The following PLEKHA4 variants were observed in gnomAD, a reference collection of about 807,000 sequenced individuals.
PLEKHA4 encodes pleckstrin homology domain-containing family A member 4.
A neutral mutation model predicts 94.7 loss-of-function variants in PLEKHA4; 73 were observed. The ratio of observed to expected loss-of-function variants is 0.77; its 90% CI spans 0.64 to 0.94. PLEKHA4 has a LOEUF of 0.94. PLEKHA4 is among the 40% of genes least tolerant of loss of function. PLEKHA4 has a pLI of 0.00. For synonymous variants in PLEKHA4, 449 were observed against 437.1 expected, an observed-to-expected ratio of 1.03 and a Z score of -0.34; for missense variants, 1,049 against 1,054.1, an observed-to-expected ratio of 1.00 and a Z score of 0.07.
chr19:48,859,904 G>A (rs2036571653), intron 6 of PLEKHA4: 5 of 602,162 alleles, frequency 8.3e-6, no homozygotes, highest in African/African-American at 3.7e-5. Context: ...CCAATGCCCC[G>A]GAATATGGGA....
In PLEKHA4 at chr19:48,853,669, C is replaced by A. The variant is rs567049297; in HGVS notation, c.1326+13G>T. The A allele has an allele frequency of 2.0e-6, 3 of 1,535,086 alleles. No homozygotes were observed. The African/African-American group carries it at 4.1e-5, about 21-fold the overall frequency. The stretch of plus-strand genomic sequence containing the variant: ...GGCCTCCTAGGAGGGCAGGCCCCTT[C>A]CCAGGTGCTCACCTGAGTCAAGTGA... On this transcript the variant is annotated intron_variant, in intron 12 of 19. Transcript: ENST00000263265.
chr19:48,838,460 T>TAAAAAAAAAAAA (rs34936332), intron 18 of PLEKHA4: 2 of 123,052 alleles, frequency 1.6e-5, no homozygotes, highest in African/African-American at 5.9e-5. Context: ...AATTAAAAAT[T>TAAAAAAAAAAAA]AAAAAAAAAA....
At chr19:48,848,689 C>T (rs200150093) in intron 13 of PLEKHA4, among the ~76,000 whole-genome samples, 2 of 138,892 alleles carry the variant, frequency 1.4e-5, no homozygotes, top group Non-Finnish European at 3.1e-5. Context: ...CCCAGCCACT[C>T]GGGAGGCTGA....
At chr19:48,846,782 A>G (rs2035986830) in intron 14 of PLEKHA4, among the ~76,000 whole-genome samples, 1 of 152,046 alleles carries the variant, frequency 6.6e-6, no homozygotes, top group East Asian at 1.9e-4. Flanking sequence ...AAAACAAAAA[A>G]ACTGTAAACC....
rs1382701413 is a variant in PLEKHA4, at chr19:48,867,704, C to T, written c.-6-78G>A. On this transcript the variant is annotated intron_variant, in intron 1 of 19. Transcript: ENST00000263265. The surrounding 1 kb of genome is among the most constrained non-coding windows in gnomAD (Gnocchi z 4.7). The stretch of plus-strand genomic sequence containing the variant: ...GAGATGGGGTCAGGGGCTTGGAGGT[C>T]GGAGGAGGCTGCAGAGAAAGAGCCT... The T allele has an allele frequency of 2.2e-5, 30 of 1,340,396 alleles. No homozygotes were observed. Among genetic ancestry groups the T allele is most frequent in the Non-Finnish European group, 2.6e-5 (25 of 968,034 alleles). 83.0% of individuals were successfully genotyped at this position (1,340,396 alleles called of 1,614,324 possible). A position where few individuals can be genotyped will look rare whatever the true frequency, so the allele number is the denominator to read the frequency against.
intron 4 of PLEKHA4, 32 bp downstream of exon 4, chr19:48,861,588 T>A (rs752579593): frequency 6.2e-7 from 1 of 1,611,414 alleles, no homozygotes; most frequent in African/African-American, 1.3e-5. Flanking sequence ...GGGGGGGCCC[T>A]CCCACCCCAA....
intron 14 of PLEKHA4, among the ~76,000 whole-genome samples, chr19:48,846,477 C>T (rs916908079): frequency 4.6e-5 from 7 of 151,200 alleles, no homozygotes; most frequent in South Asian, 2.1e-4. Context: ...ACAAAACAAA[C>T]GTTTTAGGCT....
Position 48,856,908 on chromosome 19 carries a change from AAAAAAAAAG to A in PLEKHA4, c.1047+505_1047+513del, listed in dbSNP as rs1356306980. On this transcript the variant is annotated intron_variant, in intron 9 of 19. Coordinates refer to ENST00000263265, the MANE Select transcript of PLEKHA4 (RefSeq NM_020904.3). Reference sequence around the variant, plus strand: ...AGAGAGACCCCGTCTCAAAAAAAAAAAAAAAAAAGAAAGAAAGAAAGAAAAGAAAAGAAA... The same window carrying A: ...AGAGAGACCCCGTCTCAAAAAAAAAAAAAGAAAGAAAGAAAAGAAAAGAAA... Among the ~76,000 whole-genome samples, 21 of 131,780 alleles carry A rather than the reference AAAAAAAAAG, an allele frequency of 1.6e-4. 1 individual carries two copies. The highest frequency in any genetic ancestry group is 7.0e-4 in the African/African-American group (20 of 28,744). The allele number at this position is 131,780 out of a possible 152,430, so 86.5% of individuals were successfully genotyped here.
In PLEKHA4 at chr19:48,840,115, GA is replaced by G. The variant is rs1396336128; in HGVS notation, c.1906-853del. On this transcript the variant is annotated intron_variant, in intron 17 of 19. Transcript: ENST00000263265. The stretch of plus-strand genomic sequence containing the variant: ...AAAGGGAGACTCTGTCTCAAAAAAA[GA>G]AAAAAAAAATCTAAGGGGAGGTTAG... Among the ~76,000 whole-genome samples the G allele has an allele frequency of 7.5e-5, 11 of 147,602 alleles. No homozygotes were observed. The East Asian group carries it at 1.6e-3, about 21-fold the overall frequency.
chr19:48,843,106 G>A (rs1044785580), intron 16 of PLEKHA4, among the ~76,000 whole-genome samples: 9 of 152,074 alleles, frequency 5.9e-5, no homozygotes, highest in Non-Finnish European at 1.2e-4. Context: ...CCTAGGAAAG[G>A]CTCGATTGCT....
In PLEKHA4 at chr19:48,853,683, T is replaced by G; in HGVS notation, c.1325A>C (p.Gln442Pro). Residue 442 changes from glutamine to proline, a missense_variant and splice_region_variant, in exon 12 of 20, where the codon CAG becomes CCG. Gln to Pro is a moderately conservative substitution (Grantham distance 76). Coordinates refer to ENST00000263265, the MANE Select transcript of PLEKHA4 (RefSeq NM_020904.3). ...GCAGGCCCCTTCCCAGGTGCTCACC[T>G]GAGTCAAGTGACAGAGGGTGGCCCT... ...SVRATLCHLT[Q>P]ERERVWDTYS... The G allele has an allele frequency of 6.4e-7, 1 of 1,567,986 alleles. No individual in the cohort carries two copies. Among genetic ancestry groups the G allele is most frequent in the Admixed American group, 1.9e-5 (1 of 53,716 alleles).
rs1304945189 is a variant in PLEKHA4 at position 48,865,502 on chromosome 19, C to A, written c.192+1G>T. Reference sequence around the variant, plus strand: ...CCTTTTCCTTCTCCTACTGACCCCACCTGCTTATGAAGCCAGCCTCGGATG... The same window carrying A: ...CCTTTTCCTTCTCCTACTGACCCCAACTGCTTATGAAGCCAGCCTCGGATG... On this transcript the variant is annotated splice_donor_variant, in intron 3 of 19. Coordinates refer to ENST00000263265, the MANE Select transcript of PLEKHA4 (RefSeq NM_020904.3). LOFTEE classifies it high-confidence loss of function. The A allele has an allele frequency of 1.2e-6, 2 of 1,612,818 alleles. No homozygotes were observed. The highest frequency in any genetic ancestry group is 2.2e-5 in the South Asian group (2 of 91,042).
Position 48,867,642 on chromosome 19 carries a change from A to C in PLEKHA4, c.-6-16T>G. 1.3e-6 allele frequency: 2 copies of C among 1,576,880 alleles called. No homozygotes were observed. The highest frequency in any genetic ancestry group is 1.7e-6 in the Non-Finnish European group (2 of 1,162,204). On this transcript the variant is annotated splice_polypyrimidine_tract_variant and intron_variant, in intron 1 of 19. Coordinates refer to ENST00000263265, the MANE Select transcript of PLEKHA4 (RefSeq NM_020904.3). The surrounding 1 kb of genome is among the most constrained non-coding windows in gnomAD (Gnocchi z 4.7). ...CCATCAAGGGCTGGGGGAGAGAAAG[A>C]AAGGGGCTGTGTCTCTGCAGTGACG... is the stretch of plus-strand genomic sequence containing the variant.
Position 48,841,236 on chromosome 19 carries a change from C to T in PLEKHA4, c.1818G>A (p.Arg606=), listed in dbSNP as rs544753616. 23 of 1,613,616 alleles carry T rather than the reference C, an allele frequency of 1.4e-5. No homozygotes were observed. The African/African-American group carries it at 2.4e-4, about 17-fold the overall frequency. ...ERMRRNQECG[R]PFPRPTSPRL... Reference sequence around the variant, plus strand: ...GGGGGGAGGTCGGGCGAGGGAAGGGCCGTCCACATTCCTGGTTTCTGCGCA... The same window carrying T: ...GGGGGGAGGTCGGGCGAGGGAAGGGTCGTCCACATTCCTGGTTTCTGCGCA... The change falls in exon 17 of 20, where the codon CGG becomes CGA. Residue 606 remains arginine, a synonymous_variant. Transcript: ENST00000263265.
intron 17 of PLEKHA4, among the ~76,000 whole-genome samples, chr19:48,840,107 C>T (rs2035703668): frequency 2.0e-5 from 3 of 150,292 alleles, no homozygotes; most frequent in Admixed American, 2.0e-4. Flanking sequence ...GACTCTGTCT[C>T]AAAAAAAGAA....
At position 48,858,955 on chromosome 19, in the gene PLEKHA4, G is replaced by A. The variant is rs1292130146; in HGVS notation, c.877C>T (p.Arg293Ter). ...DWGPQRQTLS[R>*]PPTPRRGPPS... ...GGTCCTCGGCGGGGAGTAGGGGGTC[G>A]GGAGAGGGTCTGGCGTTGGGGGCCC... Residue 293 changes from arginine (R) to a stop codon, truncating the protein, a stop_gained, in exon 8 of 20, where the codon CGA becomes TGA. Transcript: ENST00000263265. LOFTEE classifies it high-confidence loss of function. 6.3e-7 allele frequency: 1 copy of A among 1,594,420 alleles called. No individual in the cohort carries two copies. The highest frequency in any genetic ancestry group is 8.5e-7 in the Non-Finnish European group (1 of 1,173,712).
In PLEKHA4 at chr19:48,854,016, C is replaced by G. The variant is rs768319673; in HGVS notation, c.1167G>C (p.Gln389His). 6.2e-7 allele frequency: 1 copy of G among 1,614,056 alleles called. No individual in the cohort carries two copies. Among genetic ancestry groups the G allele is most frequent in the South Asian group, 1.1e-5 (1 of 91,082 alleles). Residue 389 changes from glutamine to histidine, a missense_variant, in exon 11 of 20, where the codon CAG (glutamine) becomes CAC (histidine). Physicochemically the swap from Gln to His is conservative, Grantham distance 24 (BLOSUM62 0). Coordinates refer to ENST00000263265, the MANE Select transcript of PLEKHA4 (RefSeq NM_020904.3). ...RRLQEEIDQK[Q>H]EEKEQLEAAL... ...GCCCAGGGCCCCGCACCTTCTCCTCCTGCTTCTGGTCTATCTCCTCCTGCA... is the reference window on the plus strand; with the variant it reads ...GCCCAGGGCCCCGCACCTTCTCCTCGTGCTTCTGGTCTATCTCCTCCTGCA...
intron 7 of PLEKHA4, 86 bp from the exon 8 acceptor site, chr19:48,859,225 T>G: frequency 9.1e-7 from 1 of 1,101,654 alleles, no homozygotes; most frequent in Non-Finnish European, 1.3e-6. Flanking sequence ...CTCAAGGACA[T>G]GTCTCACTTC....
intron 2 of PLEKHA4, 31 bp from the exon 3 acceptor site, chr19:48,865,641 G>C: frequency 6.7e-7 from 1 of 1,498,982 alleles, no homozygotes. Context: ...AAGTGAACAG[G>C]GAGAGCCTAG....
Sources: gnomAD v4.1 joint callset for allele counts (sites outside exome capture counted in the v4.1 genomes callset) on GRCh38, gnomAD v4.1.1 for gene constraint, Gnocchi (gnomAD v3.1) non-coding constraint, MANE v1.5 for transcripts, NCBI Gene and HGNC (gene_info 2026-07-23, HGNC 2026-07-21) for gene names.